Variants in GRIN2B observed in about 807,000 individuals in gnomAD.
The protein encoded by GRIN2B is glutamate receptor ionotropic, NMDA 2B.
Under a neutral mutation model 114.5 loss-of-function variants are expected in GRIN2B, and 5 were observed. The ratio of observed to expected loss-of-function variants is 0.04; its 90% CI spans 0.02 to 0.09. The LOEUF is 0.09. GRIN2B is among the 10% of genes least tolerant of loss of function. GRIN2B has a pLI of 1.00. For synonymous variants in GRIN2B, 787 were observed against 745.1 expected (o/e 1.06, Z -0.92); for missense variants, 1,108 against 1,943.5 (o/e 0.57, Z 8.08).
chr12:13,717,548 G>A (rs1343699990), intron 4 of GRIN2B, among the ~76,000 whole-genome samples: 2 of 151,882 alleles, frequency 1.3e-5, no homozygotes, highest in Non-Finnish European at 1.5e-5. Flanking sequence ...ATACAATAGG[G>A]CTCCTGGCAC....
intron 5 of GRIN2B, among the ~76,000 whole-genome samples, chr12:13,658,483 A>C (rs189606571): frequency 1.3e-5 from 2 of 152,288 alleles, no homozygotes; most frequent in East Asian, 3.9e-4. Flanking sequence ...TCATAATTAG[A>C]TGGAATACAT....
rs1205970826 is a variant in GRIN2B, at chr12:13,558,741, T to C, written c.*4042A>G. 6.6e-6 allele frequency: 1 copy of C among 152,234 alleles called. No individual in the cohort carries two copies. The highest frequency in any genetic ancestry group is 6.5e-5 in the Admixed American group (1 of 15,288). The allele number at this position is 152,234 out of a possible 1,614,324, so 9.4% of individuals were successfully genotyped here. A position where few individuals can be genotyped will look rare whatever the true frequency, so the allele number is the denominator to read the frequency against. ...GCTGTGGCCAGTGCAGGGAAATACA[T>C]ATGAAGGATGTTTCCCAAGTTCTGG... On this transcript the variant is annotated 3_prime_UTR_variant, in exon 14 of 14. Transcript: ENST00000609686.
chr12:13,739,159 T>A (rs142283418), intron 4 of GRIN2B, among the ~76,000 whole-genome samples: 3 of 151,930 alleles, frequency 2.0e-5, no homozygotes, highest in African/African-American at 7.3e-5. Context: ...GACAGGCAGA[T>A]CACCTGAGGT....
intron 2 of GRIN2B, among the ~76,000 whole-genome samples, chr12:13,872,194 GA>G (rs755259673): frequency 4.1e-5 from 6 of 147,540 alleles, no homozygotes; most frequent in South Asian, 2.1e-4. Context: ...GGACATAAAG[GA>G]AAAAAAAAAC....
At chr12:13,851,342 T>C (rs1321139122) in intron 3 of GRIN2B, among the ~76,000 whole-genome samples, 2 of 152,172 alleles carry the variant, frequency 1.3e-5, no homozygotes, top group Non-Finnish European at 2.9e-5. Flanking sequence ...TTTTCATTTT[T>C]CTCCAACTCT....
At chr12:13,953,956 A>G (rs1287140664) in intron 2 of GRIN2B, among the ~76,000 whole-genome samples, 2 of 152,172 alleles carry the variant, frequency 1.3e-5, no homozygotes, top group Admixed American at 1.3e-4. Context: ...AAAACCCCCA[A>G]ATGTTTTACT....
At chr12:13,912,886 C>T (rs2136801830) in intron 2 of GRIN2B, among the ~76,000 whole-genome samples, 1 of 152,168 alleles carries the variant, frequency 6.6e-6, no homozygotes, top group Middle Eastern at 3.4e-3. Context: ...CCCTGGGTCC[C>T]CCCTCCTCAA....
chr12:13,982,130 T>G (rs3764028), upstream of GRIN2B, among the ~76,000 whole-genome samples: 132,543 of 149,630 alleles, frequency 0.89, 59,314 homozygotes, highest in Non-Finnish European at 0.97. Flanking sequence ...GGTGGTAAGG[T>G]GGATGGAAGG....
chr12:13,884,325 A>C (rs1336192678), intron 2 of GRIN2B, among the ~76,000 whole-genome samples: 3 of 152,158 alleles, frequency 2.0e-5, no homozygotes, highest in Non-Finnish European at 4.4e-5. Context: ...AGAAACGTAG[A>C]CACCTTAACA....
chr12:13,744,634 G>A (rs1793974720), intron 4 of GRIN2B, among the ~76,000 whole-genome samples: 1 of 152,134 alleles, frequency 6.6e-6, no homozygotes, highest in Non-Finnish European at 1.5e-5. Context: ...GAAAGAAAAG[G>A]CCTGGGCATT....
At chr12:13,835,009 C>T (rs975475123) in intron 3 of GRIN2B, among the ~76,000 whole-genome samples, 1 of 152,120 alleles carries the variant, frequency 6.6e-6, no homozygotes, top group African/African-American at 2.4e-5. Context: ...TCTAATTGGC[C>T]TTCATGTGCC....
intron 4 of GRIN2B, among the ~76,000 whole-genome samples, chr12:13,676,544 G>A (rs949167020): frequency 6.6e-6 from 1 of 152,078 alleles, no homozygotes; most frequent in Non-Finnish European, 1.5e-5. Flanking sequence ...ATGCGGCCTG[G>A]TGCATAGTAG....
In GRIN2B at chr12:13,766,515, G is replaced by A. The variant is rs184967698; in HGVS notation, c.412-12600C>T. On this transcript the variant is annotated intron_variant, in intron 3 of 13. Transcript: ENST00000609686. The stretch of plus-strand genomic sequence containing the variant: ...CTGTTCCTTGTATTTGTCCTCAGGT[G>A]GACAATGAGCCTCTGATATCGAGTC... 2.5e-3 allele frequency among the ~76,000 whole-genome samples: 387 copies of A among 152,294 alleles called. 3 individuals are homozygous for A. The highest frequency in any genetic ancestry group is 8.8e-3 in the African/African-American group (366 of 41,558).
rs1164506512 is a variant in GRIN2B at position 13,554,011 on chromosome 12, GAT to G, written c.*8770_*8771del. 6.6e-6 allele frequency: 1 copy of G among 152,128 alleles called. No individual in the cohort carries two copies. Among genetic ancestry groups the G allele is most frequent in the Non-Finnish European group, 1.5e-5 (1 of 68,006 alleles). 9.4% of individuals were successfully genotyped at this position (152,128 alleles called of 1,614,324 possible). A position where few individuals can be genotyped will look rare whatever the true frequency, so the allele number is the denominator to read the frequency against. Reference sequence around the variant, plus strand: ...GTATATACATGTGATTGTGTGTGCAGATATATATAGAGAAACTGGGGGGATTC... The same window carrying G: ...GTATATACATGTGATTGTGTGTGCAGATATATAGAGAAACTGGGGGGATTC... On this transcript the variant is annotated 3_prime_UTR_variant, in exon 14 of 14. Transcript: ENST00000609686.
intron 10 of GRIN2B, among the ~76,000 whole-genome samples, chr12:13,601,607 A>G (rs1303622973): frequency 6.6e-6 from 1 of 151,792 alleles, no homozygotes; most frequent in African/African-American, 2.4e-5. Flanking sequence ...AATTCAACCC[A>G]CTTCAGGCCC....
chr12:13,543,711 GCTTT>G lies in GRIN2B; in HGVS notation c.*19068_*19071del, dbSNP rs1043976544. ...CCGGATGGCTATATGACTCATTCAT[GCTTT>G]CTTCCTTCCAAAACCTCCAATACTC... On this transcript the variant is annotated 3_prime_UTR_variant, in exon 14 of 14. Coordinates refer to ENST00000609686, the MANE Select transcript of GRIN2B (RefSeq NM_000834.5). 1.3e-5 allele frequency: 2 copies of G among 151,432 alleles called. No homozygotes were observed. Among genetic ancestry groups the G allele is most frequent in the African/African-American group, 4.9e-5 (2 of 40,794 alleles). 9.4% of individuals were successfully genotyped at this position (151,432 alleles called of 1,614,324 possible).
intron 3 of GRIN2B, among the ~76,000 whole-genome samples, chr12:13,830,669 A>T (rs1463113591): frequency 6.6e-6 from 1 of 152,212 alleles, no homozygotes; most frequent in Non-Finnish European, 1.5e-5. Context: ...CACCCTCCCC[A>T]GCTAAGAAAC....
chr12:13,925,190 C>T (rs552202269), intron 2 of GRIN2B, among the ~76,000 whole-genome samples: 2 of 152,304 alleles, frequency 1.3e-5, no homozygotes, highest in African/African-American at 4.8e-5. Context: ...CCTGACTTCA[C>T]CTTAGAAACA....
intron 2 of GRIN2B, among the ~76,000 whole-genome samples, chr12:13,893,504 T>C (rs1221169724): frequency 6.6e-6 from 1 of 152,088 alleles, no homozygotes; most frequent in East Asian, 1.9e-4. Context: ...TACCAAAATA[T>C]TGGATGATAA....
Sources: gnomAD v4.1 joint callset for allele counts (sites outside exome capture counted in the v4.1 genomes callset) on GRCh38, gnomAD v4.1.1 for gene constraint, MANE v1.5 for transcripts, NCBI Gene and HGNC (gene_info 2026-07-23, HGNC 2026-07-21) for gene names.